PDE12: variants seen among roughly 807,000 people sequenced by gnomAD.
PDE12 encodes the protein 2',5'-phosphodiesterase 12.
Under a neutral mutation model 45.4 loss-of-function variants are expected in PDE12, and 26 were observed. The ratio of observed to expected loss-of-function variants is 0.57; its 90% CI spans 0.42 to 0.79. PDE12 has a LOEUF of 0.79. Among genes scored for constraint, PDE12 ranks in the 30% least tolerant of loss-of-function variants. The pLI, the probability that PDE12 is intolerant of heterozygous loss-of-function variation, is 0.00. For missense variants in PDE12, 668 were observed against 790.0 expected, an observed-to-expected ratio of 0.85 and a Z score of 1.85; for synonymous variants, 283 against 323.9, an observed-to-expected ratio of 0.87 and a Z score of 1.36.
Position 57,557,430 on chromosome 3 carries a change from G to T in PDE12, c.1051G>T (p.Glu351Ter). Residue 351 changes from glutamate to a stop codon, truncating the protein, a stop_gained, in exon 1 of 3, where the codon GAG (glutamate) becomes TAG (stop). Transcript: ENST00000311180. LOFTEE classifies it high-confidence loss of function. The part of the protein sequence containing the change: ...GYNADVICLQ[E>*]VDRAVFSDSL... ...CAACGCCGATGTCATCTGTTTGCAG[G>T]AGGTTGACCGCGCAGTGTTTTCTGA... The T allele has an allele frequency of 6.2e-7, 1 of 1,614,024 alleles. No homozygotes were observed. Among genetic ancestry groups the T allele is most frequent in the Non-Finnish European group, 8.5e-7 (1 of 1,180,032 alleles).
At chr3:57,641,506 T>C in the PDE12 span, 1 of 457,332 alleles carries the variant, frequency 2.2e-6, no homozygotes, top group Non-Finnish European at 3.7e-6. Flanking sequence ...CTGCATATTT[T>C]AGTGGGAAAT....
the PDE12 span, among the ~76,000 whole-genome samples, chr3:57,607,593 G>T: frequency 1.3e-5 from 2 of 152,154 alleles, no homozygotes; most frequent in Non-Finnish European, 2.9e-5. Context: ...TGTGACGAAT[G>T]CACAAGCTTC....
At chr3:57,607,116 G>A in the PDE12 span, among the ~76,000 whole-genome samples, 1 of 152,180 alleles carries the variant, frequency 6.6e-6, no homozygotes, top group Admixed American at 6.5e-5. Context: ...AGCCTCCGCT[G>A]CTGATACCTA....
At chr3:57,572,384 T>C in the PDE12 span, 1 of 997,022 alleles carries the variant, frequency 1.0e-6, no homozygotes, top group Non-Finnish European at 1.6e-6. Context: ...AACTTAAGAG[T>C]CTTTTCACAC....
chr3:57,587,319 CAAAAAAAAAAAAA>C, the PDE12 span, among the ~76,000 whole-genome samples: 1 of 45,408 alleles, frequency 2.2e-5, no homozygotes, highest in Non-Finnish European at 4.7e-5. Context: ...AACTCAGTCT[CAAAAAAAAAAAAA>C]AAAAAAAAAA....
the PDE12 span, among the ~76,000 whole-genome samples, chr3:57,648,010 C>T: frequency 6.6e-6 from 1 of 151,896 alleles, no homozygotes; most frequent in Non-Finnish European, 1.5e-5. Context: ...GAGTCCTAGC[C>T]AGAGCAATCA....
At chr3:57,586,290 T>C in the PDE12 span, among the ~76,000 whole-genome samples, 2 of 152,204 alleles carry the variant, frequency 1.3e-5, no homozygotes, top group African/African-American at 4.8e-5. Context: ...GGACACTTTC[T>C]TAATATTTAA....
chr3:57,600,883 A>G, the PDE12 span: 11 of 152,124 alleles, frequency 7.2e-5, no homozygotes, highest in African/African-American at 2.7e-4. Context: ...TTTAAAAATA[A>G]AATATTTTTC....
chr3:57,600,898 C>T, the PDE12 span: 2 of 152,046 alleles, frequency 1.3e-5, no homozygotes, highest in South Asian at 2.1e-4. Flanking sequence ...TTTTTCTATT[C>T]ACCTTTCATC....
In PDE12 at chr3:57,556,729, T is replaced by C. The variant is rs143228955; in HGVS notation, c.350T>C (p.Val117Ala). 19,872 of 1,596,226 alleles carry C rather than the reference T, an allele frequency of 0.012. 239 individuals are homozygous for C. The highest frequency in any genetic ancestry group is 0.047 in the South Asian group (4,258 of 89,732). ...TCAGGGCCGGGGCCTGAGCCGGCTG[T>C]GTTCTGCGAGCCCGTGGTGAAGCTG... ...ACSGPGPEPAVFCEPVVKLYY... is the reference protein window; with the variant it reads ...ACSGPGPEPAAFCEPVVKLYY... Residue 117 changes from valine (V) to alanine (A), a missense_variant, in exon 1 of 3, where the codon GTG (valine) becomes GCG (alanine). Physicochemically the swap from Val to Ala is moderately conservative, Grantham distance 64. Around this residue, in one of 3 missense-constraint regions of PDE12, gnomAD observed 580 missense variants for 662.9 expected, o/e 0.87. Coordinates refer to ENST00000311180, the MANE Select transcript of PDE12 (RefSeq NM_177966.7). The surrounding 1 kb of genome is among the most constrained non-coding windows in gnomAD (Gnocchi z 5.0).
At chr3:57,644,897 C>G in the PDE12 span, among the ~76,000 whole-genome samples, 2 of 149,712 alleles carry the variant, frequency 1.3e-5, no homozygotes, top group African/African-American at 5.0e-5. Flanking sequence ...TATTGATGAT[C>G]TGGCAAGAAC....
the PDE12 span, among the ~76,000 whole-genome samples, chr3:57,653,451 A>T: frequency 2.4e-4 from 36 of 152,308 alleles, 2 homozygotes; most frequent in South Asian, 7.2e-3. Context: ...CGAACTAAAA[A>T]ATATTAGTAG....
At chr3:57,631,070 C>T in the PDE12 span, 77 of 1,156,704 alleles carry the variant, frequency 6.7e-5, no homozygotes, top group African/African-American at 9.9e-4. Context: ...AGTTTTTAAT[C>T]ATATGCCCTT....
the PDE12 span, among the ~76,000 whole-genome samples, chr3:57,588,749 G>C: frequency 7.2e-6 from 1 of 138,972 alleles, no homozygotes; most frequent in South Asian, 2.3e-4. Context: ...CTGAGCTCAG[G>C]AGTTTGTGAC....
At chr3:57,606,909 A>G in the PDE12 span, among the ~76,000 whole-genome samples, 9 of 152,286 alleles carry the variant, frequency 5.9e-5, no homozygotes, top group African/African-American at 2.2e-4. Flanking sequence ...TGGTTCTCCC[A>G]GCATGGAGTC....
the PDE12 span, chr3:57,596,662 A>C: frequency 5.4e-6 from 1 of 186,244 alleles, no homozygotes; most frequent in East Asian, 1.7e-4. Flanking sequence ...GGGGAGGGAA[A>C]AGGCTGGAGT....
At chr3:57,654,855 G>A in the PDE12 span, 1 of 881,014 alleles carries the variant, frequency 1.1e-6, no homozygotes, top group Non-Finnish European at 1.4e-6. Context: ...AATATAACTG[G>A]ATAAATATGT....
the PDE12 span, among the ~76,000 whole-genome samples, chr3:57,574,616 G>T: frequency 5.3e-5 from 8 of 151,792 alleles, no homozygotes; most frequent in East Asian, 9.8e-4. Flanking sequence ...TTTGTTGCCC[G>T]GGCTGGTTTG....
downstream of PDE12, among the ~76,000 whole-genome samples, chr3:57,570,775 A>G (rs550154293): frequency 6.6e-6 from 1 of 152,302 alleles, no homozygotes; most frequent in South Asian, 2.1e-4. Flanking sequence ...GTTAAAAAGA[A>G]AAGTGGTTGT....
Sources: gnomAD v4.1 joint callset for allele counts (sites outside exome capture counted in the v4.1 genomes callset) on GRCh38, gnomAD v4.1.1 for gene constraint, gnomAD v4.1.1 regional missense constraint, Gnocchi (gnomAD v3.1) non-coding constraint, MANE v1.5 for transcripts, NCBI Gene and HGNC (gene_info 2026-07-23, HGNC 2026-07-21) for gene names.